Variants in SHROOM2 observed in about 807,000 individuals in gnomAD.
SHROOM2 encodes the protein shroom family member 2.
In SHROOM2, 33 loss-of-function variants were observed where a neutral mutation model predicts 75.9. That is an observed-to-expected ratio of 0.43 (90% CI 0.33 to 0.58). SHROOM2 has a LOEUF of 0.58. SHROOM2 is among the 20% of genes least tolerant of loss of function. The probability of loss-of-function intolerance (pLI) is 0.04; values close to 1 mark genes in which losing one functional copy is unlikely to be tolerated. For missense variants in SHROOM2, 1,434 were observed against 1,461.2 expected, an observed-to-expected ratio of 0.98 and a Z score of 0.30; for synonymous variants, 655 against 663.6, an observed-to-expected ratio of 0.99 and a Z score of 0.20.
chrX:9,936,105 CT>C (rs1292071752), intron 6 of SHROOM2, among the ~76,000 whole-genome samples: 6 of 105,592 alleles, frequency 5.7e-5, no homozygotes, highest in South Asian at 4.1e-4. Flanking sequence ...AGAAACTTTT[CT>C]TTTTTTTTTG....
At position 9,810,715 on chromosome X, in the gene SHROOM2, G is replaced by A. The variant is rs920419486; in HGVS notation, c.165+24005G>A. On this transcript the variant is annotated intron_variant, in intron 1 of 9. Coordinates refer to ENST00000380913, the MANE Select transcript of SHROOM2 (RefSeq NM_001649.4). ...CTTGCACCCCTTGATTTCTGGACTC[G>A]TGAATCCTGGCTATGGGAGAAACAG... Among the ~76,000 whole-genome samples, 3 of 110,518 alleles carry A rather than the reference G, an allele frequency of 2.7e-5. No individual in the cohort carries two copies. The East Asian group carries it at 8.5e-4, about 31-fold the overall frequency.
At chrX:9,825,872 G>A (rs972919982) in intron 1 of SHROOM2, among the ~76,000 whole-genome samples, 11 of 111,936 alleles carry the variant, frequency 9.8e-5, no homozygotes, top group African/African-American at 3.2e-4. Flanking sequence ...GGAGTCCTGG[G>A]TATTGGAATG....
At chrX:9,906,848 G>A (rs959145147) in intron 5 of SHROOM2, among the ~76,000 whole-genome samples, 1 of 112,867 alleles carries the variant, frequency 8.9e-6, no homozygotes, top group African/African-American at 3.2e-5. Flanking sequence ...CTGTAGTTCA[G>A]AGATTGACAA....
chrX:9,873,513 T>C (rs1418901158), intron 1 of SHROOM2, 139 bp from the exon 2 acceptor site: 3 of 629,962 alleles, frequency 4.8e-6, no homozygotes, highest in Admixed American at 3.0e-5. Flanking sequence ...GCATCCCTGA[T>C]CCCCTGAGTG....
In SHROOM2 at chrX:9,900,204, G is replaced by GT. The variant is rs914610967; in HGVS notation, c.2891+1924dup. The stretch of plus-strand genomic sequence containing the variant: ...GCAATTTTCAGAATTGTTGGGTGCG[G>GT]TTTTTTTTTTGAGTGGTGAGGCGCG... On this transcript the variant is annotated intron_variant, in intron 5 of 9. Coordinates refer to ENST00000380913, the MANE Select transcript of SHROOM2 (RefSeq NM_001649.4). Among the ~76,000 whole-genome samples the GT allele has an allele frequency of 8.4e-3, 903 of 106,951 alleles. 11 individuals carry two copies. The highest frequency in any genetic ancestry group is 0.028 in the African/African-American group (815 of 29,545). The allele number at this position is 106,951 out of a possible 115,157, so 92.9% of individuals were successfully genotyped here. A position where few individuals can be genotyped will look rare whatever the true frequency, so the allele number is the denominator to read the frequency against.
At chrX:9,796,845 A>G (rs932064653) in intron 1 of SHROOM2, among the ~76,000 whole-genome samples, 22 of 110,893 alleles carry the variant, frequency 2.0e-4, no homozygotes, top group Admixed American at 8.7e-4. Context: ...GGGTTTCGCC[A>G]TATTGCCCAG....
intron 1 of SHROOM2, among the ~76,000 whole-genome samples, chrX:9,835,240 A>G (rs1174714491): frequency 9.8e-5 from 11 of 112,422 alleles, no homozygotes; most frequent in Non-Finnish European, 1.1e-4. Context: ...GGAGGACCAG[A>G]AGTCCACAGG....
intron 5 of SHROOM2, among the ~76,000 whole-genome samples, chrX:9,904,662 G>A (rs1440198711): frequency 2.7e-5 from 3 of 112,159 alleles, no homozygotes; most frequent in East Asian, 5.6e-4. Flanking sequence ...TCAGCCTCTG[G>A]GCCGACCTTG....
At chrX:9,792,004 T>C (rs778379556) in intron 1 of SHROOM2, among the ~76,000 whole-genome samples, 4 of 56 alleles carry the variant, frequency 0.071, no homozygotes, top group Admixed American at 0.25. Context: ...TAGAATAGAA[T>C]AGAATAGAAT....
chrX:9,850,192 G>A (rs1044887451), intron 1 of SHROOM2, among the ~76,000 whole-genome samples: 5 of 112,206 alleles, frequency 4.5e-5, no homozygotes, highest in East Asian at 2.8e-4. Context: ...ACCCGGGGGC[G>A]CTGCTCATTG....
rs150102691 is a variant in SHROOM2, at chrX:9,946,752, G to A, written c.4666G>A (p.Glu1556Lys). The change falls in exon 10 of 10, where the codon GAG becomes AAG. Residue 1556 changes from glutamate (E) to lysine (K), a missense_variant. Glu to Lys is a moderately conservative substitution (Grantham distance 56, BLOSUM62 1). This residue lies in a region of SHROOM2 where 80 missense variants were observed against 88.4 expected (regional missense o/e 0.90). Transcript: ENST00000380913. ...KELKENLDRRERIVFDILANY... is the reference protein window; with the variant it reads ...KELKENLDRRKRIVFDILANY... ...GCTCAAGGAGAACCTGGACCGCCGC[G>A]AGCGCATCGTCTTTGACATTTTGGC... 9 of 1,203,510 alleles carry A rather than the reference G, an allele frequency of 7.5e-6. No homozygotes were observed. The highest frequency in any genetic ancestry group is 1.0e-5 in the Non-Finnish European group (9 of 891,546).
At chrX:9,833,608 CTGTGTGTGTGTGTGTG>C (rs144161839) in intron 1 of SHROOM2, among the ~76,000 whole-genome samples, 1 of 95,354 alleles carries the variant, frequency 1.0e-5, no homozygotes, top group African/African-American at 4.1e-5. Context: ...CAAGTAGACT[CTGTGTGTGTGTGTGTG>C]TGTGTGTGTG....
In SHROOM2 at chrX:9,830,805, T is replaced by C. The variant is rs935309334; in HGVS notation, c.166-42847T>C. Among the ~76,000 whole-genome samples the C allele has an allele frequency of 9.1e-5, 10 of 109,972 alleles. 1 individual carries two copies. The highest frequency in any genetic ancestry group is 7.6e-5 in the Non-Finnish European group (4 of 52,717). On this transcript the variant is annotated intron_variant, in intron 1 of 9. Transcript: ENST00000380913. The stretch of plus-strand genomic sequence containing the variant: ...TTTTAGTAGAGACAGGGTTTCTCCA[T>C]GTTGGTCAGGCTGGTCACGAACTCC...
intron 2 of SHROOM2, among the ~76,000 whole-genome samples, chrX:9,882,848 A>G (rs1858883): frequency 0.17 from 18,445 of 111,093 alleles, 1,250 homozygotes; most frequent in East Asian, 0.36. Flanking sequence ...GTCATTTGGG[A>G]ATTTTTATCT....
chrX:9,860,587 C>T (rs1378123873), intron 1 of SHROOM2, among the ~76,000 whole-genome samples: 2 of 111,357 alleles, frequency 1.8e-5, no homozygotes, highest in Non-Finnish European at 3.8e-5. Flanking sequence ...CCATGCCTGG[C>T]TAATTTTTGT....
intron 6 of SHROOM2, among the ~76,000 whole-genome samples, chrX:9,936,763 C>T (rs57233910): frequency 2.3e-3 from 264 of 112,518 alleles, no homozygotes; most frequent in African/African-American, 8.0e-3. Context: ...GCTTCCCCTA[C>T]AAAAGAACAT....
chrX:9,819,560 A>G (rs766708330), intron 1 of SHROOM2: 1 of 175,221 alleles, frequency 5.7e-6, no homozygotes, highest in Non-Finnish European at 1.1e-5. Flanking sequence ...GGGATGACAT[A>G]AACAACTGCA....
chrX:9,936,152 C>T (rs1301417333), intron 6 of SHROOM2, among the ~76,000 whole-genome samples: 3 of 109,788 alleles, frequency 2.7e-5, no homozygotes, highest in Non-Finnish European at 5.7e-5. Context: ...GGCTAGAGTG[C>T]AGTGGTGTGA....
rs772039530 is a variant in SHROOM2 at position 9,946,959 on chromosome X, A to C, written c.*22A>C. On this transcript the variant is annotated 3_prime_UTR_variant, in exon 10 of 10. Transcript: ENST00000380913. ...ATAAGAGACCAGTCCCCGGTGGAGG[A>C]GGGGCACGGGGCCTCCGAGCTCCAG... 1.7e-6 allele frequency: 2 copies of C among 1,174,351 alleles called. No individual in the cohort carries two copies. The highest frequency in any genetic ancestry group is 1.1e-6 in the Non-Finnish European group (1 of 874,825).
Sources: allele counts gnomAD v4.1 joint callset (sites outside exome capture counted in the v4.1 genomes callset), GRCh38; gene constraint gnomAD v4.1.1; regional missense constraint gnomAD v4.1.1; transcripts MANE v1.5; gene names NCBI Gene and HGNC (gene_info 2026-07-23, HGNC 2026-07-21).